Variants in BMAL2 observed in about 807,000 individuals in gnomAD.
BMAL2 encodes basic helix-loop-helix ARNT like 2, also known as basic helix-loop-helix ARNT-like protein 2.
At chr12:27,383,439 G>A in the BMAL2 span, among the ~76,000 whole-genome samples, 1 of 152,160 alleles carries the variant, frequency 6.6e-6, no homozygotes, top group Non-Finnish European at 1.5e-5. Flanking sequence ...GAGCCAATGT[G>A]TGGACAAGTG....
At chr12:27,391,526 A>G in the BMAL2 span, among the ~76,000 whole-genome samples, 11 of 152,222 alleles carry the variant, frequency 7.2e-5, no homozygotes, top group Admixed American at 1.3e-4. Context: ...TTTTGGTAGA[A>G]TGATCTATTT....
the BMAL2 span, chr12:27,401,757 T>C: frequency 1.0e-6 from 1 of 1,000,556 alleles, no homozygotes; most frequent in Non-Finnish European, 1.4e-6. Context: ...GCTAAACCAT[T>C]AAAACTGTGT....
the BMAL2 span, among the ~76,000 whole-genome samples, chr12:27,413,510 C>T: frequency 5.1e-3 from 776 of 151,558 alleles, 4 homozygotes; most frequent in African/African-American, 0.018. Flanking sequence ...AGTTCTTTTT[C>T]CAAGAAAAAG....
the BMAL2 span, among the ~76,000 whole-genome samples, chr12:27,351,630 C>T: frequency 6.6e-6 from 1 of 152,152 alleles, no homozygotes; most frequent in Non-Finnish European, 1.5e-5. Flanking sequence ...AGCCCCTGTT[C>T]CCCAGAGTCT....
chr12:27,356,826 G>A, the BMAL2 span, among the ~76,000 whole-genome samples: 5 of 151,968 alleles, frequency 3.3e-5, no homozygotes, highest in Non-Finnish European at 7.4e-5. Context: ...TTCTTTAGTG[G>A]TGATTTCTGG....
the BMAL2 span, among the ~76,000 whole-genome samples, chr12:27,335,224 TTG>T: frequency 4.6e-5 from 7 of 152,196 alleles, no homozygotes; most frequent in South Asian, 6.2e-4. Context: ...TTGTTTTGTT[TTG>T]TGTTTTTTTA....
chr12:27,376,402 T>C, the BMAL2 span: 1 of 1,612,378 alleles, frequency 6.2e-7, no homozygotes, highest in African/African-American at 1.3e-5. Context: ...AATTGACTTG[T>C]TGAGATGGTA....
At chr12:27,420,078 C>T in the BMAL2 span, among the ~76,000 whole-genome samples, 1 of 151,292 alleles carries the variant, frequency 6.6e-6, no homozygotes, top group South Asian at 2.1e-4. Flanking sequence ...TAGCTTCCTT[C>T]CAGCTCTCTG....
the BMAL2 span, among the ~76,000 whole-genome samples, chr12:27,396,125 C>G: frequency 6.6e-6 from 1 of 152,210 alleles, no homozygotes; most frequent in Non-Finnish European, 1.5e-5. Flanking sequence ...TACAACATTT[C>G]TGTTTTTGAA....
the BMAL2 span, among the ~76,000 whole-genome samples, chr12:27,353,037 C>G: frequency 6.6e-6 from 1 of 152,072 alleles, no homozygotes; most frequent in African/African-American, 2.4e-5. Flanking sequence ...CTATTTCTAT[C>G]AAGCTACCAA....
the BMAL2 span, among the ~76,000 whole-genome samples, chr12:27,392,918 G>A: frequency 1.4e-4 from 22 of 152,116 alleles, no homozygotes; most frequent in Admixed American, 5.9e-4. Flanking sequence ...TGTGAAACCT[G>A]ATTTCGCCCT....
At chr12:27,402,627 G>C in the BMAL2 span, 1 of 1,612,332 alleles carries the variant, frequency 6.2e-7, no homozygotes, top group Non-Finnish European at 8.5e-7. Flanking sequence ...AGGGGACATA[G>C]TGAGCCTGGA....
chr12:27,359,277 G>A, the BMAL2 span, among the ~76,000 whole-genome samples: 3 of 152,190 alleles, frequency 2.0e-5, no homozygotes, highest in Non-Finnish European at 4.4e-5. Flanking sequence ...ATGAAACACA[G>A]TGTGGCCTCA....
At chr12:27,343,715 A>G in the BMAL2 span, among the ~76,000 whole-genome samples, 1 of 152,228 alleles carries the variant, frequency 6.6e-6, no homozygotes, top group Non-Finnish European at 1.5e-5. Flanking sequence ...GTGTTGATAT[A>G]GAACTGAAAT....
chr12:27,376,959 C>G, the BMAL2 span, among the ~76,000 whole-genome samples: 3 of 141,872 alleles, frequency 2.1e-5, no homozygotes, highest in South Asian at 6.6e-4. Context: ...CGAAATCGCG[C>G]CACTGCACTC....
At chr12:27,407,837 C>G in the BMAL2 span, among the ~76,000 whole-genome samples, 1 of 151,798 alleles carries the variant, frequency 6.6e-6, no homozygotes, top group African/African-American at 2.4e-5. Flanking sequence ...AAAAATTGAT[C>G]GACCGCTAGC....
the BMAL2 span, among the ~76,000 whole-genome samples, chr12:27,415,353 C>CTT: frequency 6.6e-6 from 1 of 152,112 alleles, no homozygotes; most frequent in African/African-American, 2.4e-5. Context: ...ATGTCAACTG[C>CTT]CTTCTTGGGA....
chr12:27,418,938 T>A, the BMAL2 span, among the ~76,000 whole-genome samples: 3 of 149,972 alleles, frequency 2.0e-5, no homozygotes, highest in African/African-American at 7.4e-5. Flanking sequence ...AATGTCGTAC[T>A]GCTGCACTCC....
chr12:27,339,751 A>G, the BMAL2 span, among the ~76,000 whole-genome samples: 6,223 of 151,444 alleles, frequency 0.041, 155 homozygotes, highest in Non-Finnish European at 0.061. Context: ...CAGCCTCCCC[A>G]GCAGCTGGAA....
Sources: gnomAD v4.1 joint callset for allele counts (sites outside exome capture counted in the v4.1 genomes callset) on GRCh38, gnomAD v4.1.1 for gene constraint, MANE v1.5 for transcripts, NCBI Gene and HGNC (gene_info 2026-07-23, HGNC 2026-07-21) for gene names.